USP36: variants seen among roughly 807,000 people sequenced by gnomAD.
The protein encoded by USP36 is ubiquitin carboxyl-terminal hydrolase 36.
USP36 carries 59 observed loss-of-function variants against 111.5 expected under a neutral mutation model. That is an observed-to-expected ratio of 0.53 (90% confidence interval 0.43 to 0.66). USP36 has a LOEUF of 0.66. USP36 is among the 30% of genes least tolerant of loss of function. USP36 has a pLI of 0.00. For synonymous variants in USP36, 628 were observed against 581.0 expected (o/e 1.08, Z -1.16); for missense variants, 1,488 against 1,468.0 (o/e 1.01, Z -0.22).
rs201618229 is a variant in USP36 at position 78,806,940 on chromosome 17, G to A, written c.2085+19C>T. 15 of 1,611,666 alleles carry A rather than the reference G, an allele frequency of 9.3e-6. No individual in the cohort carries two copies. Among genetic ancestry groups the A allele is most frequent in the East Asian group, 4.5e-5 (2 of 44,854 alleles). On this transcript the variant is annotated intron_variant, in intron 14 of 20. Coordinates refer to ENST00000449938, the MANE Select transcript of USP36 (RefSeq NM_001385174.1). ...AGCTCTCCTGATACACAGCAGCGGC[G>A]AGACCCCCACACACCCACCTTCTTG...
At chr17:78,835,755 G>GA (rs200277148) in intron 3 of USP36, among the ~76,000 whole-genome samples, 3,036 of 152,290 alleles carry the variant, frequency 0.02, 46 homozygotes, top group Non-Finnish European at 0.032. Flanking sequence ...ACAGCTCAGA[G>GA]ACTGAGTGGC....
At chr17:78,792,997 T>G (rs1204674397), downstream of USP36, among the ~76,000 whole-genome samples, 4 of 152,062 alleles carry the variant, frequency 2.6e-5, no homozygotes, top group Non-Finnish European at 5.9e-5. Flanking sequence ...ATTACAGGTG[T>G]GAGCCACCGC....
downstream of USP36, among the ~76,000 whole-genome samples, chr17:78,791,126 CTTCTTTTT>C (rs992821362): frequency 5.6e-5 from 8 of 142,648 alleles, no homozygotes; most frequent in Non-Finnish European, 1.2e-4. Context: ...CCAATCTGGC[CTTCTTTTT>C]TTTTTTTTTT....
In USP36 at chr17:78,803,639, C is replaced by G; in HGVS notation, c.2556G>C (p.Pro852=). Residue 852 remains proline, a synonymous_variant, in exon 16 of 21, where the codon CCG becomes CCC. Transcript: ENST00000449938. The surrounding 1 kb of genome is among the most constrained non-coding windows in gnomAD (Gnocchi z 4.6). ...GKRKRKKKKR[P]EDTAASALQE... Reference sequence around the variant, plus strand: ...GCAGGGCGCTGGCAGCTGTGTCCTCCGGGCGCTTCTTCTTCTTCCTCTTCC... The same window carrying G: ...GCAGGGCGCTGGCAGCTGTGTCCTCGGGGCGCTTCTTCTTCTTCCTCTTCC... 1 of 1,610,646 alleles carries G rather than the reference C, an allele frequency of 6.2e-7. No individual in the cohort carries two copies. The highest frequency in any genetic ancestry group is 8.5e-7 in the Non-Finnish European group (1 of 1,178,970).
Position 78,828,989 on chromosome 17 carries a change from C to T in USP36, c.494G>A (p.Cys165Tyr). The part of the protein sequence containing the change: ...HARSCHQGSF[C>Y]MLCVMQNHIV... ...GTGGTTCTGCATGACACACAGCATG[C>T]AGAAGCTTCCCTGGTGGCCTGCCGG... The change falls in exon 5 of 21, where the codon TGC becomes TAC. Residue 165 changes from cysteine to tyrosine, a missense_variant. Coordinates refer to ENST00000449938, the MANE Select transcript of USP36 (RefSeq NM_001385174.1). The T allele has an allele frequency of 6.2e-7, 1 of 1,613,556 alleles. No individual in the cohort carries two copies.
In USP36 at chr17:78,798,710, C is replaced by A. The variant is rs1465938606; in HGVS notation, c.3241-159G>T. ...ACCCCTGTGCACGGCGACCTGCAGT[C>A]CCCCTATTGACAAAGGGGCGGAAGC... On this transcript the variant is annotated intron_variant, in intron 19 of 20. Coordinates refer to ENST00000449938, the MANE Select transcript of USP36 (RefSeq NM_001385174.1). The surrounding 1 kb of genome is among the most constrained non-coding windows in gnomAD (Gnocchi z 5.1). 6.6e-6 allele frequency among the ~76,000 whole-genome samples: 1 copy of A among 152,180 alleles called. No individual in the cohort carries two copies. Among genetic ancestry groups the A allele is most frequent in the East Asian group, 1.9e-4 (1 of 5,188 alleles).
At chr17:78,822,159 A>G (rs2094345487) in intron 6 of USP36, among the ~76,000 whole-genome samples, 155 bp from the exon 7 acceptor site, 2 of 151,910 alleles carry the variant, frequency 1.3e-5, no homozygotes, top group Admixed American at 6.6e-5. Context: ...CTTAACCTCC[A>G]TCCTCAGCCC....
Position 78,804,314 on chromosome 17 carries a change from A to T in USP36, c.2217-336T>A, listed in dbSNP as rs980734773. The stretch of plus-strand genomic sequence containing the variant: ...CCATCTCTACTAAAAATACAAAATT[A>T]GCCGGGCGTGGTGGCACACGCCTGT... On this transcript the variant is annotated intron_variant, in intron 15 of 20. Transcript: ENST00000449938. Among the ~76,000 whole-genome samples, 6 of 152,032 alleles carry T rather than the reference A, an allele frequency of 3.9e-5. No homozygotes were observed. The South Asian group carries it at 1.2e-3, about 32-fold the overall frequency.
At chr17:78,806,087 C>T (rs1367068944) in intron 15 of USP36, 69 bp downstream of exon 15, 12 of 1,605,554 alleles carry the variant, frequency 7.5e-6, no homozygotes, top group Non-Finnish European at 1.0e-5. Flanking sequence ...TCCAACTCCT[C>T]ACCAGCCAAG....
At chr17:78,813,574 T>A (rs1405096987) in intron 12 of USP36, among the ~76,000 whole-genome samples, 199 bp downstream of exon 12, 1 of 152,220 alleles carries the variant, frequency 6.6e-6, no homozygotes, top group Non-Finnish European at 1.5e-5. Context: ...TGAGGGCAGA[T>A]GGGATCCTGT....
chr17:78,818,436 G>A (rs1456651456), intron 10 of USP36, among the ~76,000 whole-genome samples: 1 of 152,184 alleles, frequency 6.6e-6, no homozygotes, highest in Non-Finnish European at 1.5e-5. Flanking sequence ...ACCCAGAAAC[G>A]TCTATTTTTA....
At chr17:78,821,407 TATA>T (rs2094321552) in intron 7 of USP36, 2 of 62,248 alleles carry the variant, frequency 3.2e-5, no homozygotes, top group African/African-American at 1.7e-4. Context: ...TATATATATA[TATA>T]TATATATATA....
chr17:78,810,567 A>G (rs1163773889), intron 13 of USP36, among the ~76,000 whole-genome samples: 11 of 152,074 alleles, frequency 7.2e-5, no homozygotes, highest in Non-Finnish European at 1.3e-4. Flanking sequence ...GACATGAGTC[A>G]CAGTCCCAGG....
Position 78,798,572 on chromosome 17 carries a change from A to T in USP36, c.3241-21T>A, listed in dbSNP as rs1383998269. ...TTTTCCTAGACCAAGAATCACAGGCATCACAGTTCCCAAAAACGGCTCTTT... is the reference window on the plus strand; with the variant it reads ...TTTTCCTAGACCAAGAATCACAGGCTTCACAGTTCCCAAAAACGGCTCTTT... On this transcript the variant is annotated intron_variant, in intron 19 of 20. Coordinates refer to ENST00000449938, the MANE Select transcript of USP36 (RefSeq NM_001385174.1). The surrounding 1 kb of genome is among the most constrained non-coding windows in gnomAD (Gnocchi z 5.1). The T allele has an allele frequency of 6.2e-7, 1 of 1,610,712 alleles. No individual in the cohort carries two copies. Among genetic ancestry groups the T allele is most frequent in the African/African-American group, 1.3e-5 (1 of 74,782 alleles).
chr17:78,823,553 G>C (rs1042586709), intron 6 of USP36, among the ~76,000 whole-genome samples: 1 of 152,198 alleles, frequency 6.6e-6, no homozygotes, highest in Non-Finnish European at 1.5e-5. Flanking sequence ...GGCAAGAATG[G>C]AGGAGGGGGC....
At chr17:78,813,656 A>C (rs2094118928) in intron 12 of USP36, 117 bp downstream of exon 12, 1 of 880,010 alleles carries the variant, frequency 1.1e-6, no homozygotes, top group Non-Finnish European at 1.8e-6. Flanking sequence ...GACACATGAC[A>C]AATCCCTCCA....
At chr17:78,806,882 A>AAAC in intron 14 of USP36, 77 bp downstream of exon 14, 4 of 1,547,232 alleles carry the variant, frequency 2.6e-6, no homozygotes, top group Non-Finnish European at 2.6e-6. Flanking sequence ...CAATGTTCTC[A>AAAC]CTCCCTTCAA....
intron 10 of USP36, among the ~76,000 whole-genome samples, chr17:78,817,399 C>T (rs1376419650): frequency 6.6e-6 from 1 of 152,184 alleles, no homozygotes. Flanking sequence ...GGAGGCTCAG[C>T]CAAGGGTGTC....
At chr17:78,802,678 C>G in intron 16 of USP36, 143 bp from the exon 17 acceptor site, 1 of 796,758 alleles carries the variant, frequency 1.3e-6, no homozygotes, top group Non-Finnish European at 2.0e-6. Flanking sequence ...TTCTTCCCCC[C>G]ACACGCATTA....
Sources: allele counts gnomAD v4.1 joint callset (sites outside exome capture counted in the v4.1 genomes callset), GRCh38; gene constraint gnomAD v4.1.1; non-coding constraint Gnocchi (gnomAD v3.1); transcripts MANE v1.5; gene names NCBI Gene and HGNC (gene_info 2026-07-23, HGNC 2026-07-21).